The following PTPN11 variants were observed in gnomAD, a reference collection of about 807,000 sequenced individuals.
PTPN11 encodes tyrosine-protein phosphatase non-receptor type 11.
A neutral mutation model predicts 78.8 loss-of-function variants in PTPN11; 6 were observed. That is an observed-to-expected ratio of 0.08 (90% CI 0.04 to 0.15). The LOEUF (loss-of-function observed/expected upper bound fraction) is 0.15. Ranked by LOEUF, PTPN11 falls within the 10% of genes least tolerant of loss-of-function variation. The pLI is 1.00. For missense variants in PTPN11, 386 were observed against 744.8 expected, an observed-to-expected ratio of 0.52 and a Z score of 5.61; for synonymous variants, 221 against 263.5, an observed-to-expected ratio of 0.84 and a Z score of 1.56.
rs750612632 is a variant in PTPN11 at position 112,507,402 on chromosome 12, G to A, written c.*1610G>A. The A allele has an allele frequency of 2.0e-5, 3 of 152,588 alleles. No individual in the cohort carries two copies. Among genetic ancestry groups the A allele is most frequent in the Non-Finnish European group, 4.4e-5 (3 of 68,132 alleles). The allele number at this position is 152,588 out of a possible 1,614,324, so 9.5% of individuals were successfully genotyped here. A position where few individuals can be genotyped will look rare whatever the true frequency, so the allele number is the denominator to read the frequency against. ...ACCCCACTGGGGCATCCCCAGACTT[G>A]GGAAACGTGACTCTTTCTTAATGCC... On this transcript the variant is annotated 3_prime_UTR_variant, in exon 16 of 16. Coordinates refer to ENST00000351677, the MANE Select transcript of PTPN11 (RefSeq NM_002834.5).
chr12:112,501,759 C>T (rs540070680), intron 13 of PTPN11, among the ~76,000 whole-genome samples: 3 of 152,256 alleles, frequency 2.0e-5, no homozygotes, highest in South Asian at 2.1e-4. Context: ...AATTTGTTTT[C>T]GGAGTTCCTT....
At chr12:112,480,552 G>A (rs549467209) in intron 9 of PTPN11, among the ~76,000 whole-genome samples, 1 of 95,584 alleles carries the variant, frequency 1.0e-5, no homozygotes, top group South Asian at 4.5e-4. Flanking sequence ...TTTTAGTAGA[G>A]ACAGGTTTCA....
At chr12:112,463,943 T>A (rs1455081624) in intron 6 of PTPN11, among the ~76,000 whole-genome samples, 1 of 152,262 alleles carries the variant, frequency 6.6e-6, no homozygotes, top group Non-Finnish European at 1.5e-5. Flanking sequence ...TAAGCCATTA[T>A]TGAAAAAATT....
At position 112,450,515 on chromosome 12, in the gene PTPN11, C is replaced by A. The variant is rs375553813; in HGVS notation, c.332+3C>A. The A allele has an allele frequency of 6.2e-7, 1 of 1,613,458 alleles. No individual in the cohort carries two copies. The highest frequency in any genetic ancestry group is 1.1e-5 in the South Asian group (1 of 91,026). The stretch of plus-strand genomic sequence containing the variant: ...TGTGCAGATCCTACCTCTGAAAGGT[C>A]AGTAACATTTTAGTGACCACAAAGT... On this transcript the variant is annotated splice_donor_region_variant and intron_variant, in intron 3 of 15. Transcript: ENST00000351677.
intron 1 of PTPN11, among the ~76,000 whole-genome samples, chr12:112,420,368 C>T (rs1410300371): frequency 1.3e-5 from 2 of 150,040 alleles, no homozygotes; most frequent in Non-Finnish European, 3.0e-5. Flanking sequence ...TTTTTGGAGA[C>T]GGAGGCTCAC....
At chr12:112,454,766 C>A in intron 5 of PTPN11, 86 bp downstream of exon 5, 1 of 859,832 alleles carries the variant, frequency 1.2e-6, no homozygotes, top group Non-Finnish European at 1.9e-6. Context: ...CAGAGGTAGA[C>A]AGAATAGTAT....
In PTPN11 at chr12:112,419,124, A is replaced by C; in HGVS notation, c.13A>C (p.Arg5=). Residue 5 remains arginine, a splice_region_variant and synonymous_variant, in exon 1 of 16, where the codon AGA becomes CGA. Coordinates refer to ENST00000351677, the MANE Select transcript of PTPN11 (RefSeq NM_002834.5). The part of the protein sequence containing the change: MTSR[R]WFHPNITGVE... ...GGGCGGGAGGAACATGACATCGCGG[A>C]GGTGAGGAGCCCCGAGGGGCCCGGC... 6.6e-7 allele frequency: 1 copy of C among 1,523,122 alleles called. No individual in the cohort carries two copies. Among genetic ancestry groups the C allele is most frequent in the Non-Finnish European group, 8.8e-7 (1 of 1,138,124 alleles). 94.4% of individuals were successfully genotyped at this position (1,523,122 alleles called of 1,614,324 possible). A position where few individuals can be genotyped will look rare whatever the true frequency, so the allele number is the denominator to read the frequency against.
chr12:112,429,247 G>A (rs2037673045), intron 1 of PTPN11, among the ~76,000 whole-genome samples: 1 of 152,082 alleles, frequency 6.6e-6, no homozygotes, highest in African/African-American at 2.4e-5. Context: ...TGTTTATTAA[G>A]TCCTTACTGT....
intron 1 of PTPN11, among the ~76,000 whole-genome samples, chr12:112,435,066 T>A (rs2037768733): frequency 1.3e-5 from 2 of 152,166 alleles, no homozygotes; most frequent in Non-Finnish European, 2.9e-5. Flanking sequence ...TTGCCCAGGC[T>A]GGAGCTCAGT....
At chr12:112,496,729 G>A (rs992985867) in intron 13 of PTPN11, among the ~76,000 whole-genome samples, 1 of 152,112 alleles carries the variant, frequency 6.6e-6, no homozygotes, top group African/African-American at 2.4e-5. Flanking sequence ...GTGTAAAGTA[G>A]TTTCAGAATT....
chr12:112,502,396 A>G (rs2038887110), intron 14 of PTPN11, 140 bp downstream of exon 14: 2 of 761,096 alleles, frequency 2.6e-6, no homozygotes, highest in South Asian at 2.8e-5. Context: ...CTGTTAGTGT[A>G]TCTGTGACTG....
At chr12:112,454,240 C>T (rs975447218) in intron 4 of PTPN11, among the ~76,000 whole-genome samples, 15 of 152,238 alleles carry the variant, frequency 9.9e-5, no homozygotes, top group Admixed American at 5.9e-4. Context: ...GTGCCTCACC[C>T]TCCTGAGTAG....
intron 5 of PTPN11, among the ~76,000 whole-genome samples, chr12:112,455,627 C>A (rs2038147818): frequency 6.6e-6 from 1 of 152,110 alleles, no homozygotes; most frequent in Admixed American, 6.6e-5. Context: ...GGCATTGTTG[C>A]TATTTCAAAT....
chr12:112,495,070 G>A (rs2038797656), intron 13 of PTPN11, among the ~76,000 whole-genome samples: 1 of 152,060 alleles, frequency 6.6e-6, no homozygotes, highest in Non-Finnish European at 1.5e-5. Context: ...ATAAAGTCGA[G>A]GAGCATTATA....
chr12:112,477,814 G>A, intron 8 of PTPN11, 43 bp from the exon 9 acceptor site: 1 of 1,611,730 alleles, frequency 6.2e-7, no homozygotes, highest in Non-Finnish European at 8.5e-7. Flanking sequence ...TGTCCTGAAA[G>A]TAACTTTAAG....
At chr12:112,451,177 T>G (rs1375092982) in intron 3 of PTPN11, among the ~76,000 whole-genome samples, 1 of 152,200 alleles carries the variant, frequency 6.6e-6, no homozygotes, top group Non-Finnish European at 1.5e-5. Flanking sequence ...TTAGTTTGTA[T>G]ATTTTGTGTC....
chr12:112,449,904 A>G (rs1042223300), intron 2 of PTPN11, among the ~76,000 whole-genome samples: 11 of 152,080 alleles, frequency 7.2e-5, no homozygotes, highest in African/African-American at 2.7e-4. Context: ...CATCTCTACT[A>G]AAAATACAAA....
At chr12:112,458,266 A>G (rs1291406878) in intron 6 of PTPN11, among the ~76,000 whole-genome samples, 2 of 152,170 alleles carry the variant, frequency 1.3e-5, no homozygotes, top group African/African-American at 4.8e-5. Context: ...ACTGGAGTAC[A>G]GTGGTGCAAT....
chr12:112,458,671 A>G (rs1028886159), intron 6 of PTPN11, among the ~76,000 whole-genome samples: 9 of 152,196 alleles, frequency 5.9e-5, no homozygotes, highest in Non-Finnish European at 1.0e-4. Context: ...CAAGACAGAC[A>G]GGGTTACTGC....
Sources: gnomAD v4.1 joint callset for allele counts (sites outside exome capture counted in the v4.1 genomes callset) on GRCh38, gnomAD v4.1.1 for gene constraint, MANE v1.5 for transcripts, NCBI Gene and HGNC (gene_info 2026-07-23, HGNC 2026-07-21) for gene names.